QTRT2: variants seen among roughly 807,000 people sequenced by gnomAD.
QTRT2 encodes queuine tRNA-ribosyltransferase accessory subunit 2.
A neutral mutation model predicts 44.8 loss-of-function variants in QTRT2; 32 were observed. That is an observed-to-expected ratio of 0.71 (90% confidence interval 0.54 to 0.96). The LOEUF is 0.96. QTRT2 is among the 40% of genes least tolerant of loss of function. The pLI is 0.00. For missense variants in QTRT2, 461 were observed against 503.1 expected (o/e 0.92, Z 0.80); for synonymous variants, 182 against 187.4 (o/e 0.97, Z 0.24).
At chr3:114,069,329 T>G (rs1241235024) in intron 5 of QTRT2, among the ~76,000 whole-genome samples, 1 of 152,132 alleles carries the variant, frequency 6.6e-6, no homozygotes, top group Admixed American at 6.5e-5. Flanking sequence ...TTGTACAGAT[T>G]ATTTCATCAC....
Position 114,082,715 on chromosome 3 carries a change from A to G in QTRT2, c.937A>G (p.Met313Val), listed in dbSNP as rs144847148. The change falls in exon 9 of 10, where the codon ATG (methionine) becomes GTG (valine). Residue 313 changes from methionine to valine, a missense_variant. By Grantham distance (21) the Met-to-Val change is conservative (BLOSUM62 1). Coordinates refer to ENST00000281273, the MANE Select transcript of QTRT2 (RefSeq NM_024638.4). ...QNGTQEEIKC[M>V]DQIKKIETTG... The stretch of plus-strand genomic sequence containing the variant: ...TGGAACACAAGAAGAAATAAAATGT[A>G]TGGATCAAATAAAGAAAATTGAAAC... The G allele has an allele frequency of 1.5e-5, 23 of 1,523,072 alleles. No individual in the cohort carries two copies. The highest frequency in any genetic ancestry group is 4.8e-5 in the South Asian group (4 of 83,378). The allele number at this position is 1,523,072 out of a possible 1,614,324, so 94.3% of individuals were successfully genotyped here.
At chr3:114,068,567 T>C (rs952981874) in intron 5 of QTRT2, among the ~76,000 whole-genome samples, 4 of 152,190 alleles carry the variant, frequency 2.6e-5, no homozygotes, top group Admixed American at 2.0e-4. Context: ...GTGGCCCCAT[T>C]GGCATTATCC....
rs897136661 is a variant in QTRT2 at position 114,087,806 on chromosome 3, A to G, written c.*1902A>G. ...AAAAGCAGGAACAAGACTCAGAGCA[A>G]GAAGTCACTTATCACCAAGGGGATG... On this transcript the variant is annotated 3_prime_UTR_variant, in exon 10 of 10. Coordinates refer to ENST00000281273, the MANE Select transcript of QTRT2 (RefSeq NM_024638.4). 6.6e-6 allele frequency: 1 copy of G among 152,348 alleles called. No individual in the cohort carries two copies. Among genetic ancestry groups the G allele is most frequent in the African/African-American group, 2.4e-5 (1 of 41,450 alleles). 9.4% of individuals were successfully genotyped at this position (152,348 alleles called of 1,614,324 possible). A position where few individuals can be genotyped will look rare whatever the true frequency, so the allele number is the denominator to read the frequency against.
Position 114,079,985 on chromosome 3 carries a change from C to T in QTRT2, c.826C>T (p.Pro276Ser), listed in dbSNP as rs764549977. The T allele has an allele frequency of 1.1e-5, 17 of 1,613,472 alleles. No individual in the cohort carries two copies. The highest frequency in any genetic ancestry group is 1.4e-5 in the Non-Finnish European group (17 of 1,179,732). ...AGTGGACTTATTTGAGAGTTTTTTCCCTTATCAAGTAACAGAGCGGGGATG... is the reference window on the plus strand; with the variant it reads ...AGTGGACTTATTTGAGAGTTTTTTCTCTTATCAAGTAACAGAGCGGGGATG... Reference protein sequence around the residue: ...RGVDLFESFFPYQVTERGCAL... With the variant: ...RGVDLFESFFSYQVTERGCAL... Residue 276 changes from proline (P) to serine (S), a missense_variant, in exon 8 of 10, where the codon CCT becomes TCT. By Grantham distance (74) the Pro-to-Ser change is moderately conservative. Transcript: ENST00000281273.
chr3:114,076,298 A>G (rs1300195011), intron 6 of QTRT2, among the ~76,000 whole-genome samples: 3 of 152,036 alleles, frequency 2.0e-5, no homozygotes, highest in African/African-American at 4.8e-5. Context: ...TCCCGAATAG[A>G]TGGGACTACA....
chr3:114,081,868 C>T (rs1282817441), intron 8 of QTRT2, among the ~76,000 whole-genome samples: 1 of 152,168 alleles, frequency 6.6e-6, no homozygotes, highest in Non-Finnish European at 1.5e-5. Flanking sequence ...CTTAAGACCA[C>T]CTGTCTTTCT....
At chr3:114,083,686 T>C (rs894840396) in intron 9 of QTRT2, among the ~76,000 whole-genome samples, 1 of 152,172 alleles carries the variant, frequency 6.6e-6, no homozygotes, top group Admixed American at 6.5e-5. Flanking sequence ...TAGTACAGAC[T>C]TGAGAGTTTA....
At position 114,065,224 on chromosome 3, in the gene QTRT2, C is replaced by T; in HGVS notation, c.-21-13C>T. The T allele has an allele frequency of 6.2e-7, 1 of 1,600,648 alleles. No individual in the cohort carries two copies. Among genetic ancestry groups the T allele is most frequent in the Non-Finnish European group, 8.5e-7 (1 of 1,170,156 alleles). ...TGAAGCTCCTTCTATACTTAATGCT[C>T]TTTTCTTGACAGGACCTAGAAGAAT... On this transcript the variant is annotated splice_polypyrimidine_tract_variant and intron_variant, in intron 2 of 9. Coordinates refer to ENST00000281273, the MANE Select transcript of QTRT2 (RefSeq NM_024638.4).
At position 114,070,690 on chromosome 3, in the gene QTRT2, A is replaced by T. The variant is rs2107794295; in HGVS notation, c.398A>T (p.Gln133Leu). The T allele has an allele frequency of 6.2e-7, 1 of 1,614,208 alleles. No individual in the cohort carries two copies. Among genetic ancestry groups the T allele is most frequent in the East Asian group, 2.2e-5 (1 of 44,892 alleles). Residue 133 changes from glutamine to leucine, a missense_variant, in exon 6 of 10, where the codon CAG (glutamine) becomes CTG (leucine). Coordinates refer to ENST00000281273, the MANE Select transcript of QTRT2 (RefSeq NM_024638.4). ...ACTGTTTCCAAGTTCATGGCAATTCAGAAGGCCCTTCAGCCAGACTGGTTC... is the reference window on the plus strand; with the variant it reads ...ACTGTTTCCAAGTTCATGGCAATTCTGAAGGCCCTTCAGCCAGACTGGTTC... ...EMTVSKFMAI[Q>L]KALQPDWFQC...
chr3:114,064,771 A>C (rs1003637661), intron 2 of QTRT2, among the ~76,000 whole-genome samples: 2 of 152,180 alleles, frequency 1.3e-5, no homozygotes, highest in African/African-American at 4.8e-5. Context: ...TCTTCACTTA[A>C]CAGCATTATT....
intron 6 of QTRT2, among the ~76,000 whole-genome samples, chr3:114,072,207 T>G (rs112148520): frequency 1.3e-3 from 202 of 152,172 alleles, no homozygotes; most frequent in African/African-American, 4.7e-3. Context: ...CAGGCTAGAG[T>G]GCAGTGGGGC....
intron 1 of QTRT2, 39 bp from the exon 2 acceptor site, chr3:114,056,960 A>G (rs978135280): frequency 8.1e-5 from 120 of 1,486,326 alleles, no homozygotes; most frequent in Non-Finnish European, 1.0e-4. Context: ...AGTAACGGTG[A>G]TTGTACTCCC....
rs2077246322 is a variant in QTRT2, at chr3:114,087,108, ACACATACACC to A, written c.*1210_*1219del. The A allele has an allele frequency of 6.6e-6, 1 of 152,214 alleles. No individual in the cohort carries two copies. The highest frequency in any genetic ancestry group is 6.5e-5 in the Admixed American group (1 of 15,270). The allele number at this position is 152,214 out of a possible 1,614,324, so 9.4% of individuals were successfully genotyped here. ...ATTTTTCAAGTTTTCTATAAGGAAT[ACACATACACC>A]CACATGCACACACCATAGTTTTTAT... On this transcript the variant is annotated 3_prime_UTR_variant, in exon 10 of 10. Transcript: ENST00000281273.
chr3:114,060,562 ATAGAT>A (rs1369606846), intron 2 of QTRT2, among the ~76,000 whole-genome samples: 5 of 152,104 alleles, frequency 3.3e-5, no homozygotes, highest in Admixed American at 2.0e-4. Flanking sequence ...GATTAGATAG[ATAGAT>A]TAGATAGATC....
At position 114,076,741 on chromosome 3, in the gene QTRT2, A is replaced by C. The variant is rs1328978626; in HGVS notation, c.547-2A>C. The C allele has an allele frequency of 6.2e-7, 1 of 1,613,860 alleles. No homozygotes were observed. Among genetic ancestry groups the C allele is most frequent in the South Asian group, 1.1e-5 (1 of 91,082 alleles). On this transcript the variant is annotated splice_acceptor_variant, in intron 6 of 9. Coordinates refer to ENST00000281273, the MANE Select transcript of QTRT2 (RefSeq NM_024638.4). LOFTEE classifies it high-confidence loss of function. ...AAAAACATATCATCCTTCTTACCTC[A>C]GGTTCTTCAGAAGAGTGTGATCATT...
chr3:114,061,053 G>T (rs147096301), intron 2 of QTRT2, among the ~76,000 whole-genome samples: 1 of 152,126 alleles, frequency 6.6e-6, no homozygotes, highest in Non-Finnish European at 1.5e-5. Flanking sequence ...GGAATTTTCC[G>T]TTTAATATGT....
chr3:114,072,591 G>A (rs748564203), intron 6 of QTRT2, among the ~76,000 whole-genome samples: 1 of 152,172 alleles, frequency 6.6e-6, no homozygotes, highest in Non-Finnish European at 1.5e-5. Flanking sequence ...CTCAATTTCT[G>A]TGTATAAGTT....
chr3:114,070,894 T>C, intron 6 of QTRT2, 56 bp downstream of exon 6: 1 of 1,371,252 alleles, frequency 7.3e-7, no homozygotes, highest in Non-Finnish European at 1.0e-6. Flanking sequence ...TCCCTTACAT[T>C]CTGTGATACC....
At chr3:114,084,066 T>C (rs1036502939) in intron 9 of QTRT2, among the ~76,000 whole-genome samples, 1 of 150,724 alleles carries the variant, frequency 6.6e-6, no homozygotes, top group Non-Finnish European at 1.5e-5. Flanking sequence ...TTTTCTTTTT[T>C]TTTTTTTTTT....
Sources: allele counts gnomAD v4.1 joint callset (sites outside exome capture counted in the v4.1 genomes callset), GRCh38; gene constraint gnomAD v4.1.1; transcripts MANE v1.5; gene names NCBI Gene and HGNC (gene_info 2026-07-23, HGNC 2026-07-21).